Variants in EP400 observed in about 807,000 individuals in gnomAD.
EP400 encodes E1A-binding protein p400.
EP400 carries 105 observed loss-of-function variants against 354.1 expected under a neutral mutation model. That is an observed-to-expected ratio of 0.30 (90% CI 0.25 to 0.35). The LOEUF (loss-of-function observed/expected upper bound fraction) is 0.35, where lower values mean the gene tolerates loss of function less well. Ranked by LOEUF, EP400 falls within the 10% of genes least tolerant of loss-of-function variation. The pLI, the probability that EP400 is intolerant of heterozygous loss-of-function variation, is 1.00. For synonymous variants in EP400, 1,646 were observed against 1,716.9 expected (o/e 0.96, Z 1.02); for missense variants, 3,280 against 4,121.0 (o/e 0.80, Z 5.59).
Position 132,025,823 on chromosome 12 carries a change from G to A in EP400, c.5014+19G>A, listed in dbSNP as rs1894286007. 1.3e-6 allele frequency: 2 copies of A among 1,562,110 alleles called. No homozygotes were observed. The highest frequency in any genetic ancestry group is 8.6e-7 in the Non-Finnish European group (1 of 1,156,882). ...CCACAAGGTAGGGTGCTCTGAGCAGGAGGGAGACTTGGCTTGGATGCTTCT... is the reference window on the plus strand; with the variant it reads ...CCACAAGGTAGGGTGCTCTGAGCAGAAGGGAGACTTGGCTTGGATGCTTCT... On this transcript the variant is annotated intron_variant, in intron 25 of 52. Transcript: ENST00000389561. The surrounding 1 kb of genome is among the most constrained non-coding windows in gnomAD (Gnocchi z 4.1).
Position 132,018,399 on chromosome 12 carries a change from G to A in EP400, c.4277+23G>A, listed in dbSNP as rs149803782. ...CAGGTGCGTGCGACCCAGAGGCAGC[G>A]GGGAGGGTTGGCTCCCAGGGCCCCC... On this transcript the variant is annotated intron_variant, in intron 21 of 52. Transcript: ENST00000389561. This position sits in a 1 kb window ranked among gnomAD's most constrained non-coding sequence, Gnocchi z 4.0. 116 of 1,575,318 alleles carry A rather than the reference G, an allele frequency of 7.4e-5. No individual in the cohort carries two copies. Among genetic ancestry groups the A allele is most frequent in the African/African-American group, 1.8e-4 (13 of 72,788 alleles).
chr12:132,013,712 C>G lies in EP400; in HGVS notation c.3786+48C>G. ...AGTTAATTAATTAAACATGCGTATG[C>G]CTTGTTATAAACGTGTTACAGCAGC... On this transcript the variant is annotated intron_variant, in intron 18 of 52. Transcript: ENST00000389561. This position sits in a 1 kb window ranked among gnomAD's most constrained non-coding sequence, Gnocchi z 4.5. 1 of 1,608,738 alleles carries G rather than the reference C, an allele frequency of 6.2e-7. No homozygotes were observed. The highest frequency in any genetic ancestry group is 1.1e-5 in the South Asian group (1 of 90,368).
At chr12:132,020,322 G>A in intron 22 of EP400, 104 bp downstream of exon 22, 3 of 1,364,550 alleles carry the variant, frequency 2.2e-6, no homozygotes, top group East Asian at 2.6e-5. Flanking sequence ...TTGTCCCTGA[G>A]TGGGAACAGG....
intron 12 of EP400, among the ~76,000 whole-genome samples, chr12:131,999,645 C>T (rs911107734): frequency 8.6e-5 from 13 of 151,990 alleles, no homozygotes; most frequent in African/African-American, 3.1e-4. Context: ...TACCGTGTTG[C>T]CCAGGCTGGT....
rs1896310889 is a variant in EP400 at position 132,078,799 on chromosome 12, CA to C, written c.*1127del. On this transcript the variant is annotated 3_prime_UTR_variant, in exon 53 of 53. Transcript: ENST00000389561. The stretch of plus-strand genomic sequence containing the variant: ...TGGTTCTGCCAGTGAAGCAGAGAAC[CA>C]CCTGTGCTGTTGTGGAAGGCGTGCC... 2 of 152,242 alleles carry C rather than the reference CA, an allele frequency of 1.3e-5. No individual in the cohort carries two copies. Among genetic ancestry groups the C allele is most frequent in the African/African-American group, 4.8e-5 (2 of 41,470 alleles). The allele number at this position is 152,242 out of a possible 1,614,324, so 9.4% of individuals were successfully genotyped here.
At chr12:132,024,078 G>C (rs1043809997) in intron 24 of EP400, 137 bp downstream of exon 24, 3 of 1,003,806 alleles carry the variant, frequency 3.0e-6, no homozygotes, top group Non-Finnish European at 4.1e-6. Flanking sequence ...CTCACCTCAT[G>C]GGTTCATGGA....
intron 1 of EP400, among the ~76,000 whole-genome samples, chr12:131,955,255 A>G (rs1891656547): frequency 6.6e-6 from 1 of 152,112 alleles, no homozygotes; most frequent in Admixed American, 6.5e-5. Context: ...ATTTAATAAA[A>G]TTGAAGTATA....
At chr12:132,053,923 G>A (rs1411863222) in intron 43 of EP400, among the ~76,000 whole-genome samples, 3 of 152,164 alleles carry the variant, frequency 2.0e-5, no homozygotes, top group East Asian at 1.9e-4. Context: ...TACCTGTGAC[G>A]CATTCACTTC....
chr12:132,026,544 C>T (rs1046625950), intron 25 of EP400, among the ~76,000 whole-genome samples: 5 of 152,182 alleles, frequency 3.3e-5, no homozygotes, highest in African/African-American at 1.2e-4. Context: ...AGCAGCAGTC[C>T]TGCATGCCAG....
intron 32 of EP400, among the ~76,000 whole-genome samples, chr12:132,040,482 T>C (rs1202223274): frequency 6.6e-6 from 1 of 152,236 alleles, no homozygotes; most frequent in African/African-American, 2.4e-5. Flanking sequence ...ATCAGAAGTC[T>C]GTGGATTTTC....
At chr12:131,987,985 T>A in intron 7 of EP400, 95 bp downstream of exon 7, 50 of 277,882 alleles carry the variant, frequency 1.8e-4, no homozygotes, top group Non-Finnish European at 2.4e-4. Context: ...CAGACCCACT[T>A]TTTTTTTTTT....
At chr12:131,995,526 C>G (rs1479003505) in intron 12 of EP400, among the ~76,000 whole-genome samples, 1 of 150,844 alleles carries the variant, frequency 6.6e-6, no homozygotes, top group Non-Finnish European at 1.5e-5. Flanking sequence ...TACCGTTCAT[C>G]TTGAGTGTGT....
chr12:132,045,293 T>A (rs1274981779), intron 37 of EP400, 26 bp from the exon 38 acceptor site: 1 of 1,612,684 alleles, frequency 6.2e-7, no homozygotes. Context: ...GTTTACTCTC[T>A]TGCTGAAGAC....
chr12:132,006,122 C>T lies in EP400; in HGVS notation c.2946C>T (p.Asp982=), dbSNP rs765511740. 7 of 1,613,536 alleles carry T rather than the reference C, an allele frequency of 4.3e-6. No homozygotes were observed. The Admixed American group carries it at 1.2e-4, about 27-fold the overall frequency. ...EDTSGEEDAD[D]CPGDRESRKD... ...TTATTGTCGTTACAGATGCAGATGA[C>T]TGTCCAGGCGACAGGGAGAGTCGCA... The change falls in exon 14 of 53, where the codon GAC becomes GAT. Residue 982 remains aspartate, a synonymous_variant. Transcript: ENST00000389561.
chr12:132,053,233 C>A lies in EP400; in HGVS notation c.7473+9C>A. The A allele has an allele frequency of 6.2e-7, 1 of 1,613,562 alleles. No individual in the cohort carries two copies. On this transcript the variant is annotated intron_variant, in intron 42 of 52. Coordinates refer to ENST00000389561, the MANE Select transcript of EP400 (RefSeq NM_015409.5). ...TCGCAAAAGAGAAAAAGGTCAGCGCCCTGGGCCCTTCTGCTTGAGTGGGAA... is the reference window on the plus strand; with the variant it reads ...TCGCAAAAGAGAAAAAGGTCAGCGCACTGGGCCCTTCTGCTTGAGTGGGAA...
rs1041235570 is a variant in EP400, at chr12:132,050,784, C to T, written c.7394+129C>T. 76 of 1,142,582 alleles carry T rather than the reference C, an allele frequency of 6.7e-5. No individual in the cohort carries two copies. Among genetic ancestry groups the T allele is most frequent in the South Asian group, 1.4e-4 (11 of 77,012 alleles). 70.8% of individuals were successfully genotyped at this position (1,142,582 alleles called of 1,614,324 possible). A position where few individuals can be genotyped will look rare whatever the true frequency, so the allele number is the denominator to read the frequency against. On this transcript the variant is annotated intron_variant, in intron 41 of 52. Coordinates refer to ENST00000389561, the MANE Select transcript of EP400 (RefSeq NM_015409.5). This position sits in a 1 kb window ranked among gnomAD's most constrained non-coding sequence, Gnocchi z 4.8. ...CAGGCATCAGCTGGACGTGGCAGTG[C>T]GCAGAACCTGCAGGAGAGAGGTGCT...
At chr12:131,951,624 CAG>C (rs1891497379) in intron 1 of EP400, among the ~76,000 whole-genome samples, 1 of 151,980 alleles carries the variant, frequency 6.6e-6, no homozygotes, top group South Asian at 2.1e-4. Flanking sequence ...TTTTTGTAGA[CAG>C]AGTCTCACTC....
chr12:132,000,036 G>T (rs79127883), intron 12 of EP400, among the ~76,000 whole-genome samples: 4,026 of 146,498 alleles, frequency 0.027, 142 homozygotes, highest in South Asian at 0.094. Flanking sequence ...GTTTCTGCTC[G>T]TAGTATTTCT....
At position 132,023,851 on chromosome 12, in the gene EP400, C is replaced by T. The variant is rs1894208532; in HGVS notation, c.4765C>T (p.Pro1589Ser). Residue 1589 changes from proline (P) to serine (S), a missense_variant, in exon 24 of 53, where the codon CCG becomes TCG. By Grantham distance (74) the Pro-to-Ser change is moderately conservative. This residue lies in a region of EP400 where 25 missense variants were observed against 51.2 expected (regional missense o/e 0.49). Coordinates refer to ENST00000389561, the MANE Select transcript of EP400 (RefSeq NM_015409.5). Reference sequence around the variant, plus strand: ...GAGCCGCGTGGCTCAGCCAGAGACGCCGGTGACACTGCAGTTCCAGGGCAG... The same window carrying T: ...GAGCCGCGTGGCTCAGCCAGAGACGTCGGTGACACTGCAGTTCCAGGGCAG... The part of the protein sequence containing the change: ...PQSRVAQPET[P>S]VTLQFQGSKF... 4 of 1,613,698 alleles carry T rather than the reference C, an allele frequency of 2.5e-6. No homozygotes were observed. Among genetic ancestry groups the T allele is most frequent in the Non-Finnish European group, 3.4e-6 (4 of 1,179,894 alleles).
Sources: allele counts gnomAD v4.1 joint callset (sites outside exome capture counted in the v4.1 genomes callset), GRCh38; gene constraint gnomAD v4.1.1; regional missense constraint gnomAD v4.1.1; non-coding constraint Gnocchi (gnomAD v3.1); transcripts MANE v1.5; gene names NCBI Gene and HGNC (gene_info 2026-07-23, HGNC 2026-07-21).